The following WASHC2A variants were observed in gnomAD, a reference collection of about 807,000 sequenced individuals.
The protein encoded by WASHC2A is WASH complex subunit 2A.
WASHC2A carries 82 observed loss-of-function variants against 140.3 expected under a neutral mutation model. The ratio of observed to expected loss-of-function variants is 0.58; its 90% CI spans 0.49 to 0.70. WASHC2A has a LOEUF of 0.70. WASHC2A is among the 30% of genes least tolerant of loss of function. WASHC2A has a pLI of 0.00. For synonymous variants in WASHC2A, 340 were observed against 560.8 expected (o/e 0.61, Z 5.56); for missense variants, 985 against 1,521.8 (o/e 0.65, Z 5.87).
intron 17 of WASHC2A, among the ~76,000 whole-genome samples, chr10:50,101,745 CGA>C: frequency 6.6e-6 from 1 of 151,914 alleles, no homozygotes; most frequent in East Asian, 1.9e-4. Context: ...TCTCACAGTT[CGA>C]GAGGTTGACT....
At chr10:50,088,880 G>A (rs1839620872) in intron 8 of WASHC2A, among the ~76,000 whole-genome samples, 1 of 115,870 alleles carries the variant, frequency 8.6e-6, no homozygotes, top group African/African-American at 3.3e-5. Flanking sequence ...TAATTTTAAC[G>A]ATCAGTCTTT....
At chr10:50,069,318 C>G (rs1554875333) in intron 2 of WASHC2A, among the ~76,000 whole-genome samples, 2 of 151,104 alleles carry the variant, frequency 1.3e-5, no homozygotes, top group South Asian at 2.1e-4. Flanking sequence ...TCCAGCTACT[C>G]GGGAGGCTGA....
Position 50,095,677 on chromosome 10 carries a change from A to G in WASHC2A, c.1319A>G (p.Lys440Arg). The G allele has an allele frequency of 6.2e-7, 1 of 1,611,626 alleles. No individual in the cohort carries two copies. The highest frequency in any genetic ancestry group is 1.1e-5 in the South Asian group (1 of 90,948). ...AAGCCTGAGCAGCCCACTCCAAGGA[A>G]AAGCCCCTATGGTCCCCCTCCCACT... ...PQKPEQPTPR[K>R]SPYGPPPTGL... Residue 440 changes from lysine to arginine, a missense_variant, in exon 15 of 31, where the codon AAA becomes AGA. Coordinates refer to ENST00000282633, the MANE Select transcript of WASHC2A (RefSeq NM_001005751.3).
chr10:50,132,652 A>T (rs1248912787), intron 30 of WASHC2A, among the ~76,000 whole-genome samples, 154 bp from the exon 31 acceptor site: 1 of 152,244 alleles, frequency 6.6e-6, no homozygotes, highest in Non-Finnish European at 1.5e-5. Flanking sequence ...ACAAACACAG[A>T]ACCAGAATCT....
At chr10:50,076,000 T>C (rs1838279584) in intron 3 of WASHC2A, among the ~76,000 whole-genome samples, 1 of 151,832 alleles carries the variant, frequency 6.6e-6, no homozygotes, top group Non-Finnish European at 1.5e-5. Flanking sequence ...CTGCAACCTC[T>C]GCCTCCCAAG....
At chr10:50,124,580 A>G (rs1233774627) in intron 23 of WASHC2A, among the ~76,000 whole-genome samples, 24 of 152,366 alleles carry the variant, frequency 1.6e-4, no homozygotes, top group Admixed American at 1.6e-3. Context: ...GAAGTGATGG[A>G]CAGCCATAGG....
In WASHC2A at chr10:50,127,233, C is replaced by T; in HGVS notation, c.2874+11C>T. The stretch of plus-strand genomic sequence containing the variant: ...ATCGGGAAGATACAAGTAATTAAAA[C>T]ACTGGAATCTTCATTGCCTGCCCTG... On this transcript the variant is annotated intron_variant, in intron 27 of 30. Transcript: ENST00000282633. The T allele has an allele frequency of 6.2e-7, 1 of 1,612,012 alleles. No individual in the cohort carries two copies. Among genetic ancestry groups the T allele is most frequent in the Non-Finnish European group, 8.5e-7 (1 of 1,179,854 alleles).
At chr10:50,099,273 T>C (rs1404364570) in intron 16 of WASHC2A, among the ~76,000 whole-genome samples, 1,588 of 149,936 alleles carry the variant, frequency 0.011, 31 homozygotes, top group African/African-American at 0.037. Context: ...CTTCTTCTTT[T>C]TTTTTTTTTT....
chr10:50,119,983 C>A lies in WASHC2A; in HGVS notation c.2478+214C>A, dbSNP rs1428797551. On this transcript the variant is annotated intron_variant, in intron 23 of 30. Transcript: ENST00000282633. ...GGATAGGGGATTAGAATTTCACCCC[C>A]CCTCTTCTGGGATTTACAGACCTTG... Among the ~76,000 whole-genome samples the A allele has an allele frequency of 1.2e-4, 17 of 137,500 alleles. 1 individual carries two copies. The highest frequency in any genetic ancestry group is 7.7e-4 in the Admixed American group (11 of 14,220). 90.2% of individuals were successfully genotyped at this position (137,500 alleles called of 152,430 possible).
In WASHC2A at chr10:50,095,739, G is replaced by T; in HGVS notation, c.1381G>T (p.Asp461Tyr). 1 of 1,611,144 alleles carries T rather than the reference G, an allele frequency of 6.2e-7. No homozygotes were observed. The highest frequency in any genetic ancestry group is 2.2e-5 in the East Asian group (1 of 44,850). Residue 461 changes from aspartate to tyrosine, a missense_variant, in exon 15 of 31, where the codon GAC (aspartate) becomes TAC (tyrosine). Asp to Tyr is a radical substitution (Grantham distance 160). Transcript: ENST00000282633. ...FDDDDGDDDD[D>Y]FFSAPHSKPS... ...TGATGATGATGGTGATGATGATGACGACTTTTTCTCGGCACCCCACAGCAA... is the reference window on the plus strand; with the variant it reads ...TGATGATGATGGTGATGATGATGACTACTTTTTCTCGGCACCCCACAGCAA...
Position 50,100,077 on chromosome 10 carries a change from T to G in WASHC2A, c.1635+13T>G. 6.5e-7 allele frequency: 1 copy of G among 1,548,178 alleles called. No homozygotes were observed. The highest frequency in any genetic ancestry group is 8.8e-7 in the Non-Finnish European group (1 of 1,133,456). ...GGAGGACTCTGAGGTATGGAATTCT[T>G]TTGCTTAGTTGTGGGTATTAGTCTA... On this transcript the variant is annotated intron_variant, in intron 17 of 30. Coordinates refer to ENST00000282633, the MANE Select transcript of WASHC2A (RefSeq NM_001005751.3).
intron 18 of WASHC2A, among the ~76,000 whole-genome samples, chr10:50,105,950 C>A (rs1218401172): frequency 1.3e-5 from 2 of 152,086 alleles, no homozygotes; most frequent in African/African-American, 4.8e-5. Flanking sequence ...GTGGAGACAA[C>A]AGTGTGAGTT....
Position 50,129,976 on chromosome 10 carries a change from G to T in WASHC2A, c.3645G>T (p.Lys1215Asn). Reference sequence around the variant, plus strand: ...ACCTCTTTACAGATCAGAAAGTCAAGAAGAATGAGACAAAATCCAATAGTC... The same window carrying T: ...ACCTCTTTACAGATCAGAAAGTCAATAAGAATGAGACAAAATCCAATAGTC... ...EDDLFTDQKVKKNETKSNSQQ... is the reference protein window; with the variant it reads ...EDDLFTDQKVNKNETKSNSQQ... Residue 1215 changes from lysine to asparagine, a missense_variant, in exon 29 of 31, where the codon AAG becomes AAT. By Grantham distance (94) the Lys-to-Asn change is moderately conservative (BLOSUM62 0). Coordinates refer to ENST00000282633, the MANE Select transcript of WASHC2A (RefSeq NM_001005751.3). The T allele has an allele frequency of 5.0e-6, 8 of 1,611,964 alleles. No individual in the cohort carries two copies. The highest frequency in any genetic ancestry group is 6.8e-6 in the Non-Finnish European group (8 of 1,179,828).
chr10:50,098,875 C>G (rs1840764383), intron 16 of WASHC2A, among the ~76,000 whole-genome samples: 1 of 149,536 alleles, frequency 6.7e-6, no homozygotes, highest in Non-Finnish European at 1.5e-5. Context: ...GGATCACCTC[C>G]CAAGACACAT....
chr10:50,075,797 C>T (rs1295337964), intron 3 of WASHC2A, among the ~76,000 whole-genome samples: 1 of 152,104 alleles, frequency 6.6e-6, no homozygotes, highest in Admixed American at 6.5e-5. Context: ...TTAAATACTG[C>T]AGATTTCTAA....
chr10:50,094,457 T>C (rs1257393622), intron 13 of WASHC2A, among the ~76,000 whole-genome samples: 3 of 151,202 alleles, frequency 2.0e-5, no homozygotes, highest in African/African-American at 2.4e-5. Context: ...CATGAGCCAC[T>C]GCACCTGTCC....
intron 15 of WASHC2A, 59 bp downstream of exon 15, chr10:50,095,837 A>G: frequency 1.9e-6 from 3 of 1,551,992 alleles, no homozygotes; most frequent in Non-Finnish European, 2.6e-6. Flanking sequence ...TTGCCTAAAA[A>G]GAACATAAGC....
At chr10:50,103,272 T>G (rs1473317799) in intron 17 of WASHC2A, among the ~76,000 whole-genome samples, 1 of 149,432 alleles carries the variant, frequency 6.7e-6, no homozygotes, top group Non-Finnish European at 1.5e-5. Flanking sequence ...TTAAAAGAAA[T>G]ATGTCGGCCG....
At chr10:50,069,385 C>T in intron 2 of WASHC2A, 162 bp from the exon 3 acceptor site, 6 of 1,153,974 alleles carry the variant, frequency 5.2e-6, no homozygotes, top group Non-Finnish European at 6.9e-6. Flanking sequence ...CGCCATTGTA[C>T]TCCAGCCCAG....
Sources: allele counts gnomAD v4.1 joint callset (sites outside exome capture counted in the v4.1 genomes callset), GRCh38; gene constraint gnomAD v4.1.1; transcripts MANE v1.5; gene names NCBI Gene and HGNC (gene_info 2026-07-23, HGNC 2026-07-21).